SYNE1: variants seen among roughly 807,000 people sequenced by gnomAD.
The protein encoded by SYNE1 is spectrin repeat containing nuclear envelope protein 1, also known as nesprin-1.
Under a neutral mutation model 1,111.0 loss-of-function variants are expected in SYNE1, and 616 were observed. The observed-to-expected ratio is 0.55, with a 90% CI of 0.52 to 0.59. SYNE1 has a LOEUF of 0.59. SYNE1 is among the 20% of genes least tolerant of loss of function. The pLI, the probability that SYNE1 is intolerant of heterozygous loss-of-function variation, is 0.00. For synonymous variants in SYNE1, 3,855 were observed against 3,825.8 expected (o/e 1.01, Z -0.28); for missense variants, 10,006 against 10,417.0 (o/e 0.96, Z 1.72).
At chr6:152,156,724 C>G (rs2061444622) in intron 131 of SYNE1, among the ~76,000 whole-genome samples, 7 of 152,120 alleles carry the variant, frequency 4.6e-5, no homozygotes, top group Admixed American at 4.6e-4. Flanking sequence ...TACTTTTGAT[C>G]TACGGTTGGT....
intron 98 of SYNE1, among the ~76,000 whole-genome samples, chr6:152,277,264 CTTT>C (rs747947368): frequency 6.1e-5 from 5 of 82,118 alleles, no homozygotes; most frequent in African/African-American, 1.9e-4. Flanking sequence ...TTTTCTTTTT[CTTT>C]TTTTTTTTTT....
chr6:152,369,391 G>A, intron 60 of SYNE1, 80 bp downstream of exon 60: 2 of 1,597,206 alleles, frequency 1.3e-6, no homozygotes, highest in Admixed American at 1.7e-5. Context: ...ACTCAAGGGT[G>A]CTGAGCATGC....
At chr6:152,139,824 C>T (rs2058163798) in intron 140 of SYNE1, 126 bp downstream of exon 140, 6 of 950,794 alleles carry the variant, frequency 6.3e-6, no homozygotes, top group African/African-American at 1.6e-5. Context: ...AGCATTCTCA[C>T]TCATTTTTGT....
chr6:152,265,786 C>A (rs1589039708), intron 100 of SYNE1, among the ~76,000 whole-genome samples: 1 of 152,104 alleles, frequency 6.6e-6, no homozygotes, highest in East Asian at 1.9e-4. Flanking sequence ...CTCCATCAAC[C>A]CTCGACAAGT....
chr6:152,425,568 C>A, intron 38 of SYNE1, 21 bp from the exon 39 acceptor site: 1 of 1,613,918 alleles, frequency 6.2e-7, no homozygotes, highest in Non-Finnish European at 8.5e-7. Flanking sequence ...CAAGACATTA[C>A]GGATCTCATC....
Position 152,141,348 on chromosome 6 carries a change from C to G in SYNE1, c.25120-19G>C. On this transcript the variant is annotated intron_variant, in intron 138 of 145. Coordinates refer to ENST00000367255, the MANE Select transcript of SYNE1 (RefSeq NM_182961.4). ...GTTTCATCTGTTTAGACATAAACAA[C>G]CGGCCCCTGTCACCCAAATCTTCAT... The G allele has an allele frequency of 3.7e-6, 6 of 1,613,308 alleles. No homozygotes were observed. The highest frequency in any genetic ancestry group is 5.1e-6 in the Non-Finnish European group (6 of 1,179,872).
chr6:152,455,304 T>A, intron 24 of SYNE1, 122 bp downstream of exon 24: 4 of 1,085,800 alleles, frequency 3.7e-6, no homozygotes, highest in Non-Finnish European at 5.2e-6. Context: ...AAAAAGTCTC[T>A]GCTTCCCTGA....
intron 63 of SYNE1, among the ~76,000 whole-genome samples, chr6:152,363,410 C>T (rs1054444788): frequency 2.7e-5 from 4 of 150,540 alleles, no homozygotes; most frequent in Admixed American, 1.3e-4. Context: ...AGGAGAATGG[C>T]GTGAACCCGG....
At chr6:152,429,963 T>G in intron 36 of SYNE1, 149 bp downstream of exon 36, 1 of 624,790 alleles carries the variant, frequency 1.6e-6, no homozygotes, top group East Asian at 2.9e-5. Context: ...TTATATAAAG[T>G]GAATACATTA....
At chr6:152,189,145 C>G (rs1014477023) in intron 128 of SYNE1, 107 bp downstream of exon 128, 2 of 1,180,028 alleles carry the variant, frequency 1.7e-6, no homozygotes, top group African/African-American at 3.0e-5. Flanking sequence ...TTTGTCCGTA[C>G]TAAGAATTAT....
At position 152,391,285 on chromosome 6, in the gene SYNE1, G is replaced by C. The variant is rs577888458; in HGVS notation, c.7996C>G (p.Gln2666Glu). Reference protein sequence around the residue: ...SKDTLEKRLSQIQDILLMKGE... With the variant: ...SKDTLEKRLSEIQDILLMKGE... Reference sequence around the variant, plus strand: ...GCTGGTGTCGCATGTACCTGTATTTGTGACAGCCGTTTCTCCAGGGTGTCT... The same window carrying C: ...GCTGGTGTCGCATGTACCTGTATTTCTGACAGCCGTTTCTCCAGGGTGTCT... Residue 2666 changes from glutamine to glutamate, a missense_variant, in exon 52 of 146, where the codon CAA (glutamine) becomes GAA (glutamate). Coordinates refer to ENST00000367255, the MANE Select transcript of SYNE1 (RefSeq NM_182961.4). The C allele has an allele frequency of 1.5e-5, 25 of 1,614,012 alleles. No individual in the cohort carries two copies. In the East Asian group the frequency reaches 5.1e-4, roughly 33 times the overall value.
At chr6:152,337,729 T>C (rs181411240) in intron 75 of SYNE1, among the ~76,000 whole-genome samples, 1 of 152,262 alleles carries the variant, frequency 6.6e-6, no homozygotes, top group African/African-American at 2.4e-5. Context: ...TTATTCTCTG[T>C]TGCACATTTG....
chr6:152,281,696 G>A, intron 97 of SYNE1, 111 bp downstream of exon 97: 1 of 1,132,150 alleles, frequency 8.8e-7, no homozygotes, highest in South Asian at 1.3e-5. Flanking sequence ...TAAAGTCTAT[G>A]GGTTGGGAAA....
intron 10 of SYNE1, among the ~76,000 whole-genome samples, chr6:152,501,862 A>G (rs911500773): frequency 2.0e-5 from 3 of 152,216 alleles, no homozygotes; most frequent in Non-Finnish European, 4.4e-5. Flanking sequence ...ATGTACATAC[A>G]TAAGTTGACC....
intron 123 of SYNE1, among the ~76,000 whole-genome samples, chr6:152,213,152 G>C (rs1241356335): frequency 1.3e-5 from 2 of 152,154 alleles, no homozygotes; most frequent in African/African-American, 4.8e-5. Context: ...TACACCTGGA[G>C]ACATTTGATA....
At chr6:152,262,234 G>T (rs777499326) in intron 100 of SYNE1, 46 bp from the exon 101 acceptor site, 2 of 1,570,416 alleles carry the variant, frequency 1.3e-6, no homozygotes, top group Non-Finnish European at 1.7e-6. Flanking sequence ...GCACAAAAAA[G>T]TGATAAGACA....
chr6:152,180,103 G>A (rs1406093673), intron 129 of SYNE1, 33 bp downstream of exon 129: 2 of 1,612,726 alleles, frequency 1.2e-6, no homozygotes, highest in African/African-American at 2.7e-5. Context: ...GCCTTATGAA[G>A]AATGAAAACC....
At position 152,427,420 on chromosome 6, in the gene SYNE1, A is replaced by C. The variant is rs538015563; in HGVS notation, c.5100+273T>G. Among the ~76,000 whole-genome samples, 21 of 152,252 alleles carry C rather than the reference A, an allele frequency of 1.4e-4. No homozygotes were observed. In the South Asian group the frequency reaches 4.1e-3, roughly 30 times the overall value. ...ATCCTTTCCTCAACTCCTTTGCCAA[A>C]CCATGTTATTCAGATGCCGGGCATT... On this transcript the variant is annotated intron_variant, in intron 38 of 145. Coordinates refer to ENST00000367255, the MANE Select transcript of SYNE1 (RefSeq NM_182961.4).
rs190948178 is a variant in SYNE1 at position 152,338,699 on chromosome 6, C to T, written c.12351+542G>A. On this transcript the variant is annotated intron_variant, in intron 75 of 145. Transcript: ENST00000367255. ...AGTTTAAGGCTGCAGTGGCAGCAGC[C>T]GGGAAAATACGCCTCCAGTGCTGCC... is the stretch of plus-strand genomic sequence containing the variant. 3.9e-5 allele frequency among the ~76,000 whole-genome samples: 6 copies of T among 152,264 alleles called. No homozygotes were observed. The highest frequency in any genetic ancestry group is 1.9e-4 in the East Asian group (1 of 5,176).
Sources: gnomAD v4.1 joint callset for allele counts (sites outside exome capture counted in the v4.1 genomes callset) on GRCh38, gnomAD v4.1.1 for gene constraint, MANE v1.5 for transcripts, NCBI Gene and HGNC (gene_info 2026-07-23, HGNC 2026-07-21) for gene names.